The following PLXDC2 variants were observed in gnomAD, a reference collection of about 807,000 sequenced individuals.
PLXDC2 encodes the protein plexin domain-containing protein 2.
In PLXDC2, 40 loss-of-function variants were observed where a neutral mutation model predicts 68.9. That is an observed-to-expected ratio of 0.58 (90% CI 0.45 to 0.76). PLXDC2 has a LOEUF of 0.76. PLXDC2 is among the 30% of genes least tolerant of loss of function. The pLI, the probability that PLXDC2 is intolerant of heterozygous loss-of-function variation, is 0.00. For missense variants in PLXDC2, 644 were observed against 661.9 expected, an observed-to-expected ratio of 0.97 and a Z score of 0.30; for synonymous variants, 243 against 234.2, an observed-to-expected ratio of 1.04 and a Z score of -0.34.
At chr10:20,119,182 A>T (rs922347751) in intron 4 of PLXDC2, among the ~76,000 whole-genome samples, 1 of 152,162 alleles carries the variant, frequency 6.6e-6, no homozygotes, top group Non-Finnish European at 1.5e-5. Flanking sequence ...GGAAAGGGTG[A>T]TGCATTCTGA....
At chr10:20,252,391 T>C (rs971011487) in intron 13 of PLXDC2, among the ~76,000 whole-genome samples, 13 of 152,238 alleles carry the variant, frequency 8.5e-5, no homozygotes, top group African/African-American at 3.1e-4. Flanking sequence ...CTGGATTAAA[T>C]AAATTTTATT....
At chr10:19,994,311 A>ATTTTTTTTTTTTTTTTTT (rs1834805027) in intron 1 of PLXDC2, among the ~76,000 whole-genome samples, 2 of 68,788 alleles carry the variant, frequency 2.9e-5, no homozygotes, top group Non-Finnish European at 6.4e-5. Flanking sequence ...AACATGATTA[A>ATTTTTTTTTTTTTTTTTT]ATTTTTTTTT....
rs1218929631 is a variant in PLXDC2, at chr10:20,289,316, G to C, written c.*9497G>C. 2 of 152,192 alleles carry C rather than the reference G, an allele frequency of 1.3e-5. No homozygotes were observed. The highest frequency in any genetic ancestry group is 4.8e-5 in the African/African-American group (2 of 41,450). 9.4% of individuals were successfully genotyped at this position (152,192 alleles called of 1,614,324 possible). On this transcript the variant is annotated 3_prime_UTR_variant, in exon 14 of 14. Transcript: ENST00000377252. ...TTTTTCCCCTATTCCCAGCCACAGT[G>C]CCCAAGCGTTCAAGTCTCCTGGATC...
chr10:20,216,074 T>A (rs1835132436), intron 10 of PLXDC2, among the ~76,000 whole-genome samples: 1 of 151,172 alleles, frequency 6.6e-6, no homozygotes, highest in Non-Finnish European at 1.5e-5. Context: ...AAAAGGCAGA[T>A]CTTTTCTTTA....
intron 4 of PLXDC2, among the ~76,000 whole-genome samples, chr10:20,109,360 G>A (rs1833529695): frequency 6.6e-6 from 1 of 152,100 alleles, no homozygotes; most frequent in South Asian, 2.1e-4. Flanking sequence ...GGGAATTGTG[G>A]CCATGCATTG....
intron 1 of PLXDC2, 146 bp downstream of exon 1, chr10:19,817,337 TC>T: frequency 1.4e-6 from 1 of 701,488 alleles, no homozygotes; most frequent in Non-Finnish European, 2.4e-6. Flanking sequence ...AACTTAGGCT[TC>T]CCAAATGGGG....
intron 12 of PLXDC2, among the ~76,000 whole-genome samples, chr10:20,224,897 A>G (rs1215180849): frequency 1.3e-5 from 2 of 152,158 alleles, no homozygotes; most frequent in Admixed American, 1.3e-4. Flanking sequence ...AGGTGACAGC[A>G]TTTTTATCAT....
intron 13 of PLXDC2, among the ~76,000 whole-genome samples, chr10:20,267,737 CCT>C (rs1003943428): frequency 2.0e-5 from 3 of 151,700 alleles, no homozygotes; most frequent in Non-Finnish European, 2.9e-5. Context: ...TTATCAAACC[CCT>C]GAGTATTATA....
At chr10:19,963,655 G>A (rs1040875246) in intron 1 of PLXDC2, among the ~76,000 whole-genome samples, 11 of 152,092 alleles carry the variant, frequency 7.2e-5, no homozygotes, top group African/African-American at 2.4e-4. Flanking sequence ...CATGGACACA[G>A]GAAGGGGAAC....
At chr10:19,936,759 T>C (rs2148300) in intron 1 of PLXDC2, among the ~76,000 whole-genome samples, 74,352 of 152,052 alleles carry the variant, frequency 0.49, 19,009 homozygotes, top group African/African-American at 0.64. Context: ...CCCACCACGA[T>C]CATTTGCCTT....
chr10:20,059,755 A>G (rs980448834), intron 3 of PLXDC2, among the ~76,000 whole-genome samples: 2 of 151,524 alleles, frequency 1.3e-5, no homozygotes, highest in Non-Finnish European at 2.9e-5. Flanking sequence ...CTCCTCCCAG[A>G]GTATGAGAAT....
intron 6 of PLXDC2, among the ~76,000 whole-genome samples, chr10:20,158,683 A>C: frequency 6.6e-6 from 1 of 151,468 alleles, no homozygotes; most frequent in East Asian, 1.9e-4. Flanking sequence ...GTAAATAAAT[A>C]AATAAATAAA....
intron 9 of PLXDC2, among the ~76,000 whole-genome samples, chr10:20,202,800 T>C (rs1834938973): frequency 6.6e-6 from 1 of 152,172 alleles, no homozygotes; most frequent in Non-Finnish European, 1.5e-5. Context: ...AATTTAGACA[T>C]AAAATAAATA....
At chr10:19,956,197 A>G (rs1013132062) in intron 1 of PLXDC2, among the ~76,000 whole-genome samples, 2 of 152,184 alleles carry the variant, frequency 1.3e-5, no homozygotes, top group Non-Finnish European at 2.9e-5. Context: ...ACAGCTTTGA[A>G]ACAATCCCTT....
At chr10:19,925,091 A>G (rs777082259) in intron 1 of PLXDC2, among the ~76,000 whole-genome samples, 2 of 152,238 alleles carry the variant, frequency 1.3e-5, no homozygotes, top group African/African-American at 4.8e-5. Flanking sequence ...TTGAGACAGC[A>G]CAGTTAACCC....
chr10:20,121,460 T>C (rs1833696674), intron 4 of PLXDC2, among the ~76,000 whole-genome samples: 1 of 152,188 alleles, frequency 6.6e-6, no homozygotes, highest in Non-Finnish European at 1.5e-5. Context: ...ATGAGAATTA[T>C]GCCGAGATAG....
chr10:19,961,979 T>C (rs1386896025), intron 1 of PLXDC2, among the ~76,000 whole-genome samples: 3 of 152,212 alleles, frequency 2.0e-5, no homozygotes, highest in Non-Finnish European at 4.4e-5. Flanking sequence ...ACATCTCCTA[T>C]GCCTTTTTTG....
intron 9 of PLXDC2, among the ~76,000 whole-genome samples, chr10:20,184,896 G>A (rs551584974): frequency 6.6e-6 from 1 of 151,576 alleles, no homozygotes; most frequent in Non-Finnish European, 1.5e-5. Flanking sequence ...ACTAACACAG[G>A]AACAGAAAAC....
chr10:20,001,164 G>A (rs746125545), intron 1 of PLXDC2, among the ~76,000 whole-genome samples: 15 of 152,162 alleles, frequency 9.9e-5, no homozygotes, highest in South Asian at 2.1e-4. Context: ...ATGAACAAAA[G>A]TGCAGGGATG....
Sources: gnomAD v4.1 joint callset for allele counts (sites outside exome capture counted in the v4.1 genomes callset) on GRCh38, gnomAD v4.1.1 for gene constraint, MANE v1.5 for transcripts, NCBI Gene and HGNC (gene_info 2026-07-23, HGNC 2026-07-21) for gene names.